The following KCNIP1 variants were observed in gnomAD, a reference collection of about 807,000 sequenced individuals.
KCNIP1 encodes A-type potassium channel modulatory protein KCNIP1.
A neutral mutation model predicts 33.0 loss-of-function variants in KCNIP1; 18 were observed. The observed-to-expected ratio is 0.55, with a 90% CI of 0.38 to 0.81. KCNIP1 has a LOEUF of 0.81. Among genes scored for constraint, KCNIP1 ranks in the 30% least tolerant of loss-of-function variants. The pLI, the probability that KCNIP1 is intolerant of heterozygous loss-of-function variation, is 0.00. For missense variants in KCNIP1, 238 were observed against 271.6 expected (o/e 0.88, Z 0.87); for synonymous variants, 93 against 98.3 (o/e 0.95, Z 0.32).
At chr5:170,430,082 C>A (rs1755706480) in intron 1 of KCNIP1, among the ~76,000 whole-genome samples, 1 of 152,240 alleles carries the variant, frequency 6.6e-6, no homozygotes, top group Admixed American at 6.5e-5. Flanking sequence ...AAGTCACCCT[C>A]CTCTAGAGGA....
At chr5:170,550,732 C>CTGA (rs887765705) in intron 1 of KCNIP1, among the ~76,000 whole-genome samples, 9 of 146,990 alleles carry the variant, frequency 6.1e-5, no homozygotes, top group Non-Finnish European at 1.2e-4. Context: ...AATGACAGTA[C>CTGA]TGATGATGAT....
intron 1 of KCNIP1, among the ~76,000 whole-genome samples, chr5:170,495,615 A>G (rs963538147): frequency 4.6e-5 from 7 of 152,224 alleles, no homozygotes; most frequent in African/African-American, 1.7e-4. Context: ...GAGGTGGAGG[A>G]CAAGGGCAAA....
intron 1 of KCNIP1, among the ~76,000 whole-genome samples, chr5:170,575,036 A>G (rs1190700539): frequency 6.6e-6 from 1 of 152,208 alleles, no homozygotes; most frequent in African/African-American, 2.4e-5. Context: ...GACTTAAGCC[A>G]TCACAGTACA....
chr5:170,581,184 A>G (rs1030582845), intron 1 of KCNIP1, among the ~76,000 whole-genome samples: 12 of 152,220 alleles, frequency 7.9e-5, no homozygotes, highest in Admixed American at 6.5e-4. Context: ...TCTGTCATGA[A>G]TCACAAGTTA....
Position 170,669,546 on chromosome 5 carries a change from A to T in KCNIP1, c.62-49212A>T, listed in dbSNP as rs954447482. On this transcript the variant is annotated intron_variant, in intron 1 of 7. Transcript: ENST00000328939. The stretch of plus-strand genomic sequence containing the variant: ...GAAAGGACAGATGGATGGATGGTTG[A>T]TGGAAGTAGCAGGCTTCCAGCAGCA... The T allele has an allele frequency of 8.1e-6, 8 of 985,246 alleles. No individual in the cohort carries two copies. The Admixed American group carries it at 4.9e-4, about 61-fold the overall frequency. 61.0% of individuals were successfully genotyped at this position (985,246 alleles called of 1,614,324 possible).
intron 1 of KCNIP1, among the ~76,000 whole-genome samples, chr5:170,431,220 T>A (rs1755732955): frequency 6.6e-6 from 1 of 152,258 alleles, no homozygotes; most frequent in Non-Finnish European, 1.5e-5. Context: ...CCAGAAGGCC[T>A]TGCTGCCACT....
intron 1 of KCNIP1, among the ~76,000 whole-genome samples, chr5:170,717,938 A>G (rs138135475): frequency 1.6e-4 from 25 of 152,362 alleles, no homozygotes; most frequent in Middle Eastern, 6.8e-3. Flanking sequence ...CAGGGCCCAA[A>G]GGAAATCACT....
intron 1 of KCNIP1, among the ~76,000 whole-genome samples, chr5:170,396,842 T>C (rs80096582): frequency 0.012 from 1,861 of 152,294 alleles, 35 homozygotes; most frequent in African/African-American, 0.041. Context: ...GTTAAATCTC[T>C]CTGGGATGAG....
chr5:170,506,944 G>T (rs377298190), intron 1 of KCNIP1, among the ~76,000 whole-genome samples: 9 of 152,354 alleles, frequency 5.9e-5, no homozygotes, highest in African/African-American at 2.2e-4. Flanking sequence ...GAGGCAGCTT[G>T]GAAACCTGGA....
At chr5:170,635,011 A>C (rs970621759) in intron 1 of KCNIP1, among the ~76,000 whole-genome samples, 11 of 152,182 alleles carry the variant, frequency 7.2e-5, no homozygotes, top group African/African-American at 2.7e-4. Flanking sequence ...AAATGTAATA[A>C]GAAAATCTTT....
intron 1 of KCNIP1, among the ~76,000 whole-genome samples, chr5:170,702,566 G>A (rs1236240332): frequency 6.6e-6 from 1 of 152,190 alleles, no homozygotes; most frequent in Non-Finnish European, 1.5e-5. Context: ...TGCCCCCTCA[G>A]TACCAATTGT....
At chr5:170,359,993 C>T (rs1490229900) in intron 1 of KCNIP1, among the ~76,000 whole-genome samples, 20 of 152,340 alleles carry the variant, frequency 1.3e-4, no homozygotes, top group South Asian at 8.3e-4. Context: ...CACAGGGGAG[C>T]GGCTAGTTTG....
At chr5:170,723,720 G>C (rs146843866) in intron 5 of KCNIP1, among the ~76,000 whole-genome samples, 80 of 152,272 alleles carry the variant, frequency 5.3e-4, no homozygotes, top group Non-Finnish European at 9.6e-4. Flanking sequence ...GAGCAGCATA[G>C]AGAGATGGAC....
Position 170,467,950 on chromosome 5 carries a change from T to A in KCNIP1, c.88+113986T>A, listed in dbSNP as rs1305812958. On this transcript the variant is annotated intron_variant, in intron 1 of 7. Transcript: ENST00000377360. ...AAAAAAAAAAAAAAAGGAAACTAAGTATAGAAGTATGGAATAGAACTATAT... is the reference window on the plus strand; with the variant it reads ...AAAAAAAAAAAAAAAGGAAACTAAGAATAGAAGTATGGAATAGAACTATAT... Among the ~76,000 whole-genome samples the A allele has an allele frequency of 2.7e-5, 4 of 147,960 alleles. No homozygotes were observed. In the East Asian group the frequency reaches 8.1e-4, roughly 30 times the overall value.
exon 1 of KCNIP1, chr5:170,353,544 C>T (rs1363656953): frequency 4.8e-6 from 2 of 413,990 alleles, no homozygotes; most frequent in East Asian, 4.6e-5. Flanking sequence ...CTGCTCTGCT[C>T]AACTTCACTC....
In KCNIP1 at chr5:170,653,672, T is replaced by C. The variant is rs866969225; in HGVS notation, c.62-65086T>C. Among the ~76,000 whole-genome samples, 70 of 151,818 alleles carry C rather than the reference T, an allele frequency of 4.6e-4. 1 individual carries two copies. Among genetic ancestry groups the C allele is most frequent in the Non-Finnish European group, 1.0e-4 (7 of 68,004 alleles). On this transcript the variant is annotated intron_variant, in intron 1 of 7. Transcript: ENST00000328939. ...TGGAGCGGCACAGCATTCAGGAAGC[T>C]CAGTCTCCTTCTCTCTCTCTCTCTC... is the stretch of plus-strand genomic sequence containing the variant.
chr5:170,697,686 C>T (rs574785475), intron 1 of KCNIP1, among the ~76,000 whole-genome samples: 4 of 152,274 alleles, frequency 2.6e-5, no homozygotes, highest in East Asian at 3.9e-4. Flanking sequence ...GCCACTGTGC[C>T]GTGAACTTCT....
chr5:170,503,776 A>C (rs952747821), upstream of KCNIP1, among the ~76,000 whole-genome samples: 2 of 149,086 alleles, frequency 1.3e-5, no homozygotes, highest in Non-Finnish European at 3.0e-5. Flanking sequence ...ACACACACAC[A>C]GTCTCCCTGG....
chr5:170,554,343 A>C (rs927683458), intron 1 of KCNIP1, among the ~76,000 whole-genome samples: 1 of 152,142 alleles, frequency 6.6e-6, no homozygotes, highest in Middle Eastern at 3.2e-3. Flanking sequence ...ATGCCAGCTT[A>C]TCCGGATTCG....
Sources: allele counts gnomAD v4.1 joint callset (sites outside exome capture counted in the v4.1 genomes callset), GRCh38; gene constraint gnomAD v4.1.1; transcripts MANE v1.5; gene names NCBI Gene and HGNC (gene_info 2026-07-23, HGNC 2026-07-21).